CAMKV: variants seen among roughly 807,000 people sequenced by gnomAD.
The protein encoded by CAMKV is caM kinase-like vesicle-associated protein.
A neutral mutation model predicts 50.2 loss-of-function variants in CAMKV; 5 were observed. That is an observed-to-expected ratio of 0.10 (90% CI 0.05 to 0.21). CAMKV has a LOEUF of 0.21. Among genes scored for constraint, CAMKV ranks in the 10% least tolerant of loss-of-function variants. The pLI is 1.00. For synonymous variants in CAMKV, 229 were observed against 250.1 expected (o/e 0.92, Z 0.80); for missense variants, 361 against 650.5 (o/e 0.55, Z 4.84).
intron 1 of CAMKV, among the ~76,000 whole-genome samples, chr3:49,866,122 C>A (rs199655303): frequency 7.6e-6 from 1 of 131,484 alleles, no homozygotes; most frequent in Non-Finnish European, 1.6e-5. Flanking sequence ...CTCCTCCTCA[C>A]CAGTCTAAGT....
rs1221093600 is a variant in CAMKV at position 49,869,192 on chromosome 3, G to A, written c.-15+566C>T. Among the ~76,000 whole-genome samples, 2 of 152,126 alleles carry A rather than the reference G, an allele frequency of 1.3e-5. No homozygotes were observed. The highest frequency in any genetic ancestry group is 2.4e-5 in the African/African-American group (1 of 41,428). ...ACATGTGCGCCCCCACCCCCACCGT[G>A]CACGTGGGTCCATGCACTGGACCCC... On this transcript the variant is annotated intron_variant, in intron 1 of 10. Transcript: ENST00000477224. This position sits in a 1 kb window ranked among gnomAD's most constrained non-coding sequence, Gnocchi z 5.2.
rs937501499 is a variant in CAMKV, at chr3:49,862,383, C to A, written c.6G>T (p.Pro2=). Residue 2 remains proline, a synonymous_variant, in exon 2 of 11, where the codon CCG becomes CCT. Coordinates refer to ENST00000477224, the MANE Select transcript of CAMKV (RefSeq NM_024046.5). This position sits in a 1 kb window ranked among gnomAD's most constrained non-coding sequence, Gnocchi z 5.2. ...TGTCGCCCAGAGTCACACACCCAAA[C>A]GGCATTGCCAGGCTCTAACCTGCGG... M[P]FGCVTLGDKK... is the part of the protein sequence containing the mutation. The A allele has an allele frequency of 1.9e-6, 3 of 1,614,020 alleles. No individual in the cohort carries two copies. The African/African-American group carries it at 4.0e-5, about 22-fold the overall frequency.
At chr3:49,863,158 G>A (rs541853798) in intron 1 of CAMKV, among the ~76,000 whole-genome samples, 2 of 152,340 alleles carry the variant, frequency 1.3e-5, no homozygotes, top group East Asian at 3.9e-4. Context: ...AATACATATA[G>A]TATGAGTCTA....
rs1298079222 is a variant in CAMKV, at chr3:49,862,390, G to T, written c.-2C>A. ...CAGAGTCACACACCCAAACGGCATT[G>T]CCAGGCTCTAACCTGCGGGCACAAT... On this transcript the variant is annotated 5_prime_UTR_variant, in exon 2 of 11. Coordinates refer to ENST00000477224, the MANE Select transcript of CAMKV (RefSeq NM_024046.5). The surrounding 1 kb of genome is among the most constrained non-coding windows in gnomAD (Gnocchi z 5.2). 6.2e-7 allele frequency: 1 copy of T among 1,613,864 alleles called. No homozygotes were observed. The highest frequency in any genetic ancestry group is 1.3e-5 in the African/African-American group (1 of 75,056).
chr3:49,860,164 G>A lies in CAMKV; in HGVS notation c.942+7C>T. On this transcript the variant is annotated splice_region_variant and intron_variant, in intron 10 of 10. Transcript: ENST00000477224. This position sits in a 1 kb window ranked among gnomAD's most constrained non-coding sequence, Gnocchi z 6.1. ...TAGAGCCAAGAAGGGAGTTATCCAA[G>A]CCTTACCTTCCACTTGGCCCTGGCA... is the stretch of plus-strand genomic sequence containing the variant. 3 of 1,612,212 alleles carry A rather than the reference G, an allele frequency of 1.9e-6. No homozygotes were observed. The highest frequency in any genetic ancestry group is 2.5e-6 in the Non-Finnish European group (3 of 1,178,268).
In CAMKV at chr3:49,861,424, T is replaced by G. The variant is rs1365437039; in HGVS notation, c.441+15A>C. The G allele has an allele frequency of 6.2e-7, 1 of 1,614,022 alleles. No homozygotes were observed. ...CAGCTGCCAACTGGCCCTTTGACTC[T>G]GGCTCTGCCCTCACCTTGAGATTCC... On this transcript the variant is annotated intron_variant, in intron 5 of 10. Coordinates refer to ENST00000477224, the MANE Select transcript of CAMKV (RefSeq NM_024046.5). The surrounding 1 kb of genome is among the most constrained non-coding windows in gnomAD (Gnocchi z 7.7).
Position 49,861,310 on chromosome 3 carries a change from G to A in CAMKV, c.442-10C>T. The A allele has an allele frequency of 6.2e-7, 1 of 1,614,110 alleles. No individual in the cohort carries two copies. Among genetic ancestry groups the A allele is most frequent in the Non-Finnish European group, 8.5e-7 (1 of 1,180,024 alleles). On this transcript the variant is annotated splice_polypyrimidine_tract_variant and intron_variant, in intron 5 of 10. Coordinates refer to ENST00000477224, the MANE Select transcript of CAMKV (RefSeq NM_024046.5). The surrounding 1 kb of genome is among the most constrained non-coding windows in gnomAD (Gnocchi z 7.7). ...AAACCAGGTTCTCCAGCTGTGGTGT[G>A]AGAATAGCATGTGGGTGAGCAGAAG...
Position 49,861,586 on chromosome 3 carries a change from C to A in CAMKV, c.303-9G>T. 1 of 1,614,076 alleles carries A rather than the reference C, an allele frequency of 6.2e-7. No homozygotes were observed. The highest frequency in any genetic ancestry group is 8.5e-7 in the Non-Finnish European group (1 of 1,180,036). On this transcript the variant is annotated splice_polypyrimidine_tract_variant and intron_variant, in intron 4 of 10. Transcript: ENST00000477224. This position sits in a 1 kb window ranked among gnomAD's most constrained non-coding sequence, Gnocchi z 7.7. ...CCTCCCTCCCCGTGGCCCTGAGGGACACCAGCCCCTGAGCCTGGCGTGGGC... is the reference window on the plus strand; with the variant it reads ...CCTCCCTCCCCGTGGCCCTGAGGGAAACCAGCCCCTGAGCCTGGCGTGGGC...
chr3:49,868,114 C>G (rs919136761), intron 1 of CAMKV, among the ~76,000 whole-genome samples: 1 of 152,172 alleles, frequency 6.6e-6, no homozygotes, highest in East Asian at 1.9e-4. Context: ...GTTCCCAGCC[C>G]GTCTCTCTGC....
intron 1 of CAMKV, among the ~76,000 whole-genome samples, chr3:49,868,286 A>G (rs759055120): frequency 4.6e-5 from 7 of 151,954 alleles, no homozygotes; most frequent in Non-Finnish European, 1.0e-4. Context: ...CCCATCTGCT[A>G]TCCTTTCCAG....
chr3:49,861,752 G>A lies in CAMKV; in HGVS notation c.302+39C>T. The A allele has an allele frequency of 6.2e-7, 1 of 1,608,558 alleles. No individual in the cohort carries two copies. Among genetic ancestry groups the A allele is most frequent in the Non-Finnish European group, 8.5e-7 (1 of 1,175,364 alleles). On this transcript the variant is annotated intron_variant, in intron 4 of 10. Coordinates refer to ENST00000477224, the MANE Select transcript of CAMKV (RefSeq NM_024046.5). This position sits in a 1 kb window ranked among gnomAD's most constrained non-coding sequence, Gnocchi z 7.7. The stretch of plus-strand genomic sequence containing the variant: ...AGAGGGTGGGACAGGTGAAAGCCCT[G>A]GGCGCTGGGGAATCTTGGGTCCCCA...
Position 49,862,637 on chromosome 3 carries a change from G to A in CAMKV, c.-14-235C>T, listed in dbSNP as rs1355363909. ...GCCTACATATGAAAAAATGTATTAA[G>A]CTGATATATAAGGGAATAGTTTTGT... On this transcript the variant is annotated intron_variant, in intron 1 of 10. Coordinates refer to ENST00000477224, the MANE Select transcript of CAMKV (RefSeq NM_024046.5). The surrounding 1 kb of genome is among the most constrained non-coding windows in gnomAD (Gnocchi z 5.2). Among the ~76,000 whole-genome samples the A allele has an allele frequency of 6.6e-6, 1 of 152,168 alleles. No individual in the cohort carries two copies. Among genetic ancestry groups the A allele is most frequent in the Non-Finnish European group, 1.5e-5 (1 of 68,046 alleles).
At chr3:49,863,541 T>C (rs1030312313) in intron 1 of CAMKV, 4 of 152,200 alleles carry the variant, frequency 2.6e-5, no homozygotes, top group African/African-American at 7.2e-5. Context: ...GAAGTCACCA[T>C]ACTAATGCCA....
At chr3:49,865,058 C>T (rs531029372) in intron 1 of CAMKV, among the ~76,000 whole-genome samples, 13 of 152,318 alleles carry the variant, frequency 8.5e-5, no homozygotes, top group African/African-American at 2.9e-4. Flanking sequence ...GTTGCTTGGG[C>T]TCAGGGAATA....
chr3:49,869,753 C>G lies in CAMKV; in HGVS notation c.-15+5G>C, dbSNP rs1364337660. 1 of 152,288 alleles carries G rather than the reference C, an allele frequency of 6.6e-6. No homozygotes were observed. The highest frequency in any genetic ancestry group is 1.5e-5 in the Non-Finnish European group (1 of 68,094). The allele number at this position is 152,288 out of a possible 1,614,324, so 9.4% of individuals were successfully genotyped here. On this transcript the variant is annotated splice_donor_5th_base_variant and intron_variant, in intron 1 of 10. Coordinates refer to ENST00000477224, the MANE Select transcript of CAMKV (RefSeq NM_024046.5). The surrounding 1 kb of genome is among the most constrained non-coding windows in gnomAD (Gnocchi z 5.2). ...GAAGCGCCCCCAGCCCGGCCCGCCC[C>G]GCACCTGCAGCGCCGGTTGGTCACA...
chr3:49,860,971 A>G lies in CAMKV; in HGVS notation c.610T>C (p.Trp204Arg). ...ATGTACATGATGACTCCAATGGCCC[A>G]GCAGTCCACAGGGCGTCCATACCGC... ...RQRYGRPVDC[W>R]AIGVIMYILL... is the part of the protein sequence containing the mutation. The change falls in exon 7 of 11, where the codon TGG becomes CGG. Residue 204 changes from tryptophan (W) to arginine (R), a missense_variant. Around this residue, in one of 4 missense-constraint regions of CAMKV, gnomAD observed 172 missense variants for 414.3 expected, o/e 0.42. Coordinates refer to ENST00000477224, the MANE Select transcript of CAMKV (RefSeq NM_024046.5). The surrounding 1 kb of genome is among the most constrained non-coding windows in gnomAD (Gnocchi z 6.1). 6.2e-7 allele frequency: 1 copy of G among 1,614,124 alleles called. No homozygotes were observed.
chr3:49,858,313 T>G lies in CAMKV; in HGVS notation c.*1005A>C. The G allele has an allele frequency of 2.5e-6, 1 of 398,644 alleles. No homozygotes were observed. Among genetic ancestry groups the G allele is most frequent in the Non-Finnish European group, 4.4e-6 (1 of 226,070 alleles). 24.7% of individuals were successfully genotyped at this position (398,644 alleles called of 1,614,324 possible). A position where few individuals can be genotyped will look rare whatever the true frequency, so the allele number is the denominator to read the frequency against. Reference sequence around the variant, plus strand: ...AAAGAGGGAGTTCCTCTTCATTTCATTGTTGAACTGAGCAGAAAATCTGCC... The same window carrying G: ...AAAGAGGGAGTTCCTCTTCATTTCAGTGTTGAACTGAGCAGAAAATCTGCC... On this transcript the variant is annotated 3_prime_UTR_variant, in exon 11 of 11. Coordinates refer to ENST00000477224, the MANE Select transcript of CAMKV (RefSeq NM_024046.5).
Position 49,859,189 on chromosome 3 carries a change from C to G in CAMKV, c.*129G>C, listed in dbSNP as rs2108327604. ...TGCTCTCCCGTGACCCCTAGTTATG[C>G]CCCACTGGGATGTGGGGGCATGGGG... On this transcript the variant is annotated 3_prime_UTR_variant, in exon 11 of 11. Transcript: ENST00000477224. This position sits in a 1 kb window ranked among gnomAD's most constrained non-coding sequence, Gnocchi z 5.5. 2.4e-6 allele frequency: 2 copies of G among 837,182 alleles called. No individual in the cohort carries two copies. Among genetic ancestry groups the G allele is most frequent in the Middle Eastern group, 7.4e-4 (2 of 2,694 alleles). 51.9% of individuals were successfully genotyped at this position (837,182 alleles called of 1,614,324 possible).
rs939331289 is a variant in CAMKV at position 49,861,739 on chromosome 3, A to G, written c.302+52T>C. The G allele has an allele frequency of 1.9e-5, 30 of 1,603,096 alleles. No individual in the cohort carries two copies. The highest frequency in any genetic ancestry group is 2.6e-5 in the Non-Finnish European group (30 of 1,170,692). On this transcript the variant is annotated intron_variant, in intron 4 of 10. Coordinates refer to ENST00000477224, the MANE Select transcript of CAMKV (RefSeq NM_024046.5). The surrounding 1 kb of genome is among the most constrained non-coding windows in gnomAD (Gnocchi z 7.7). Reference sequence around the variant, plus strand: ...TTTCCTTAGCTGCAGAGGGTGGGACAGGTGAAAGCCCTGGGCGCTGGGGAA... The same window carrying G: ...TTTCCTTAGCTGCAGAGGGTGGGACGGGTGAAAGCCCTGGGCGCTGGGGAA...
Sources: gnomAD v4.1 joint callset for allele counts (sites outside exome capture counted in the v4.1 genomes callset) on GRCh38, gnomAD v4.1.1 for gene constraint, gnomAD v4.1.1 regional missense constraint, Gnocchi (gnomAD v3.1) non-coding constraint, MANE v1.5 for transcripts, NCBI Gene and HGNC (gene_info 2026-07-23, HGNC 2026-07-21) for gene names.